Variants in PCARE observed in about 807,000 individuals in gnomAD.
The protein encoded by PCARE is photoreceptor cilium actin regulator.
A neutral mutation model predicts 82.2 loss-of-function variants in PCARE; 72 were observed. The ratio of observed to expected loss-of-function variants is 0.88; its 90% CI spans 0.72 to 1.07. PCARE has a LOEUF of 1.07. PCARE is among the 50% of genes least tolerant of loss of function. The pLI, the probability that PCARE is intolerant of heterozygous loss-of-function variation, is 0.00. For missense variants in PCARE, 1,768 were observed against 1,592.4 expected (o/e 1.11, Z -1.88); for synonymous variants, 705 against 634.8 (o/e 1.11, Z -1.66).
At position 29,073,365 on chromosome 2, in the gene PCARE, G is replaced by A. The variant is rs773703800; in HGVS notation, c.897C>T (p.Tyr299=). Residue 299 remains tyrosine, a synonymous_variant, in exon 1 of 2, where the codon TAC becomes TAT. Transcript: ENST00000331664. The part of the protein sequence containing the change: ...TGSFLEGSSS[Y]LHSTATHLEN... ...CCAAGTGGGTTGCAGTGGAGTGGAG[G>A]TAGCTGCTGGAGCCCTCCAGGAAGC... 5 of 1,613,752 alleles carry A rather than the reference G, an allele frequency of 3.1e-6. No individual in the cohort carries two copies. Among genetic ancestry groups the A allele is most frequent in the South Asian group, 2.2e-5 (2 of 91,082 alleles).
chr2:29,072,122 C>A lies in PCARE; in HGVS notation c.2140G>T (p.Ala714Ser), dbSNP rs762285365. The change falls in exon 1 of 2, where the codon GCT becomes TCT. Residue 714 changes from alanine to serine, a missense_variant. By Grantham distance (99) the Ala-to-Ser change is moderately conservative. Coordinates refer to ENST00000331664, the MANE Select transcript of PCARE (RefSeq NM_001029883.3). ...NAIPSGEVSE[A>S]AKATDWNVRG... ...ACATTCCAGTCTGTGGCCTTGGCAG[C>A]CTCACTGACCTCTCCTGATGGGATG... The A allele has an allele frequency of 2.5e-6, 4 of 1,614,144 alleles. No individual in the cohort carries two copies. The highest frequency in any genetic ancestry group is 3.4e-6 in the Non-Finnish European group (4 of 1,180,056).
rs750148855 is a variant in PCARE at position 29,071,686 on chromosome 2, G to A, written c.2576C>T (p.Pro859Leu). The change falls in exon 1 of 2, where the codon CCC becomes CTC. Residue 859 changes from proline to leucine, a missense_variant. Physicochemically the swap from Pro to Leu is moderately conservative, Grantham distance 98. Transcript: ENST00000331664. ...PESSKSTENS[P>L]KETQEPGPGE... Reference sequence around the variant, plus strand: ...CGGCCCTGGCTCCTGGGTTTCCTTGGGGGAGTTCTCTGTGGACTTGCTGCT... The same window carrying A: ...CGGCCCTGGCTCCTGGGTTTCCTTGAGGGAGTTCTCTGTGGACTTGCTGCT... The A allele has an allele frequency of 1.2e-6, 2 of 1,614,096 alleles. No homozygotes were observed. Among genetic ancestry groups the A allele is most frequent in the East Asian group, 2.2e-5 (1 of 44,880 alleles).
Position 29,072,446 on chromosome 2 carries a change from C to T in PCARE, c.1816G>A (p.Asp606Asn), listed in dbSNP as rs938748085. The T allele has an allele frequency of 4.3e-6, 7 of 1,614,066 alleles. No homozygotes were observed. The Admixed American group carries it at 6.7e-5, about 15-fold the overall frequency. Residue 606 changes from aspartate (D) to asparagine (N), a missense_variant, in exon 1 of 2, where the codon GAC becomes AAC. By Grantham distance (23) the Asp-to-Asn change is conservative. Transcript: ENST00000331664. ...CTTCGCAGCTCCTGAAAGGTGGGGT[C>T]CTCCACGTGACTCTGGAGACACGAC... ...SESCLQSHVE[D>N]PTFQELRRVQ...
At position 29,073,238 on chromosome 2, in the gene PCARE, C is replaced by T. The variant is rs748520550; in HGVS notation, c.1024G>A (p.Gly342Ser). Residue 342 changes from glycine to serine, a missense_variant, in exon 1 of 2, where the codon GGT (glycine) becomes AGT (serine). Transcript: ENST00000331664. ...CTGTCCTCAGAGCATAAGGGGAGAC[C>T]CTGCACCCCAGGGTCGCCACAGCCA... ...ASGCGDPGVQ[G>S]LPLCSEDSGI... 3.5e-5 allele frequency: 56 copies of T among 1,613,862 alleles called. No individual in the cohort carries two copies. Among genetic ancestry groups the T allele is most frequent in the Admixed American group, 3.2e-4 (19 of 59,996 alleles).
In PCARE at chr2:29,074,213, T is replaced by C; in HGVS notation, c.49A>G (p.Ser17Gly). Residue 17 changes from serine (S) to glycine (G), a missense_variant, in exon 1 of 2, where the codon AGT becomes GGT. Coordinates refer to ENST00000331664, the MANE Select transcript of PCARE (RefSeq NM_001029883.3). ...GGCTTTTTCAAGAACTGAATGCCACTCTTTGCAACGCTGTTTACAAGGTCA... is the reference window on the plus strand; with the variant it reads ...GGCTTTTTCAAGAACTGAATGCCACCCTTTGCAACGCTGTTTACAAGGTCA... ...HSDLVNSVAK[S>G]GIQFLKKPKA... 1 of 1,591,338 alleles carries C rather than the reference T, an allele frequency of 6.3e-7. No homozygotes were observed. Among genetic ancestry groups the C allele is most frequent in the Non-Finnish European group, 8.6e-7 (1 of 1,168,452 alleles).
intron 1 of PCARE, among the ~76,000 whole-genome samples, chr2:29,065,790 T>TA (rs1667381441): frequency 6.6e-6 from 1 of 152,246 alleles, no homozygotes; most frequent in Non-Finnish European, 1.5e-5. Flanking sequence ...CTGCCTGGTT[T>TA]CAAGTCCTGA....
chr2:29,069,160 G>A (rs149725076), intron 1 of PCARE, among the ~76,000 whole-genome samples: 2,142 of 152,200 alleles, frequency 0.014, 40 homozygotes, highest in African/African-American at 0.041. Flanking sequence ...AAAAAGGTTT[G>A]AAAAAATGTA....
rs779162226 is a variant in PCARE at position 29,071,965 on chromosome 2, G to T, written c.2297C>A (p.Pro766His). 1 of 1,614,012 alleles carries T rather than the reference G, an allele frequency of 6.2e-7. No individual in the cohort carries two copies. Among genetic ancestry groups the T allele is most frequent in the South Asian group, 1.1e-5 (1 of 91,076 alleles). Reference sequence around the variant, plus strand: ...AAGCCCTGTGTACTTGGGAAATCTGGGGGGCATGATGCAATTCCTGAGGCA... The same window carrying T: ...AAGCCCTGTGTACTTGGGAAATCTGTGGGGCATGATGCAATTCCTGAGGCA... ...SPCLRNCIMPPRFPKYTGLAP... is the reference protein window; with the variant it reads ...SPCLRNCIMPHRFPKYTGLAP... Residue 766 changes from proline to histidine, a missense_variant, in exon 1 of 2, where the codon CCC becomes CAC. Pro to His is a moderately conservative substitution (Grantham distance 77). Coordinates refer to ENST00000331664, the MANE Select transcript of PCARE (RefSeq NM_001029883.3).
rs1667365399 is a variant in PCARE at position 29,064,704 on chromosome 2, T to A, written c.*165A>T. On this transcript the variant is annotated 3_prime_UTR_variant, in exon 2 of 2. Transcript: ENST00000331664. ...AAGATCTGGGACTGAAAACGGCGATTGTTTAAAATTCAGCAGACCCACTGG... is the reference window on the plus strand; with the variant it reads ...AAGATCTGGGACTGAAAACGGCGATAGTTTAAAATTCAGCAGACCCACTGG... 5.9e-6 allele frequency: 5 copies of A among 845,548 alleles called. No homozygotes were observed. The Admixed American group carries it at 1.1e-4, about 19-fold the overall frequency. The allele number at this position is 845,548 out of a possible 1,614,324, so 52.4% of individuals were successfully genotyped here.
rs1423517787 is a variant in PCARE, at chr2:29,072,761, T to C, written c.1501A>G (p.Ser501Gly). 1.2e-6 allele frequency: 2 copies of C among 1,614,094 alleles called. No individual in the cohort carries two copies. The highest frequency in any genetic ancestry group is 4.5e-5 in the East Asian group (2 of 44,866). The change falls in exon 1 of 2, where the codon AGT (serine) becomes GGT (glycine). Residue 501 changes from serine (S) to glycine (G), a missense_variant. Ser to Gly is a moderately conservative substitution (Grantham distance 56). Coordinates refer to ENST00000331664, the MANE Select transcript of PCARE (RefSeq NM_001029883.3). ...EEEEDKMSSM[S>G]LCAWQEKTPH... The stretch of plus-strand genomic sequence containing the variant: ...GTTTTTTCCTGCCAGGCACACAGAC[T>C]CATGCTGCTCATTTTGTCTTCCTCC...
intron 1 of PCARE, among the ~76,000 whole-genome samples, chr2:29,066,305 G>T (rs900781189): frequency 2.0e-5 from 3 of 152,142 alleles, no homozygotes; most frequent in Non-Finnish European, 4.4e-5. Context: ...CTATGGAGCT[G>T]CATTGTTGAA....
At position 29,073,083 on chromosome 2, in the gene PCARE, T is replaced by A; in HGVS notation, c.1179A>T (p.Ser393=). 6.2e-7 allele frequency: 1 copy of A among 1,614,164 alleles called. No homozygotes were observed. The highest frequency in any genetic ancestry group is 2.2e-5 in the East Asian group (1 of 44,862). The change falls in exon 1 of 2, where the codon TCA becomes TCT. Residue 393 remains serine, a synonymous_variant. Coordinates refer to ENST00000331664, the MANE Select transcript of PCARE (RefSeq NM_001029883.3). ...VTSPHTEARQ[S]GHTWQQSPFC... ...ATGGACTTTGCTGCCAGGTGTGTCC[T>A]GACTGCCTGGCCTCTGTGTGGGGTG...
Position 29,072,115 on chromosome 2 carries a change from T to G in PCARE, c.2147A>C (p.Lys716Thr). ...IPSGEVSEAAKATDWNVRGCP... is the reference protein window; with the variant it reads ...IPSGEVSEAATATDWNVRGCP... ...GCCTCTGACATTCCAGTCTGTGGCCTTGGCAGCCTCACTGACCTCTCCTGA... is the reference window on the plus strand; with the variant it reads ...GCCTCTGACATTCCAGTCTGTGGCCGTGGCAGCCTCACTGACCTCTCCTGA... Residue 716 changes from lysine (K) to threonine (T), a missense_variant, in exon 1 of 2, where the codon AAG (lysine) becomes ACG (threonine). Coordinates refer to ENST00000331664, the MANE Select transcript of PCARE (RefSeq NM_001029883.3). The G allele has an allele frequency of 1.2e-6, 2 of 1,614,252 alleles. No individual in the cohort carries two copies. The highest frequency in any genetic ancestry group is 2.2e-5 in the South Asian group (2 of 91,080).
rs201965800 is a variant in PCARE, at chr2:29,073,725, A to C, written c.537T>G (p.Pro179=). 13 of 1,614,026 alleles carry C rather than the reference A, an allele frequency of 8.1e-6. No individual in the cohort carries two copies. Among genetic ancestry groups the C allele is most frequent in the Non-Finnish European group, 8.5e-6 (10 of 1,180,024 alleles). Residue 179 remains proline (P), a synonymous_variant, in exon 1 of 2, where the codon CCT becomes CCG. Coordinates refer to ENST00000331664, the MANE Select transcript of PCARE (RefSeq NM_001029883.3). ...EPEGKVDFPE[P]LVKAHQQAYT... is the part of the protein sequence containing the mutation. ...AAGCCTGCTGGTGGGCCTTTACCAG[A>C]GGCTCCGGGAAGTCCACTTTGCCTT...
In PCARE at chr2:29,064,979, G is replaced by A; in HGVS notation, c.3757C>T (p.Pro1253Ser). Residue 1253 changes from proline to serine, a missense_variant, in exon 2 of 2, where the codon CCC (proline) becomes TCC (serine). By Grantham distance (74) the Pro-to-Ser change is moderately conservative (BLOSUM62 -1). Transcript: ENST00000331664. ...ELQGGTRRAS[P>S]PEFCVLGHGL... ...TGGCCCAGCACACAGAACTCTGGGG[G>A]AGATGCACGCCTGGTGCCGCCCTGC... is the stretch of plus-strand genomic sequence containing the variant. 1 of 1,591,376 alleles carries A rather than the reference G, an allele frequency of 6.3e-7. No homozygotes were observed. The highest frequency in any genetic ancestry group is 1.3e-5 in the African/African-American group (1 of 74,446).
rs1331629037 is a variant in PCARE, at chr2:29,062,602, G to C, written c.*2267C>G. ...CATGATACTGACCCCTTCTGTGGTGGAATAATCTGCCTGGCTCCCTGCTGC... is the reference window on the plus strand; with the variant it reads ...CATGATACTGACCCCTTCTGTGGTGCAATAATCTGCCTGGCTCCCTGCTGC... On this transcript the variant is annotated 3_prime_UTR_variant, in exon 2 of 2. Transcript: ENST00000331664. The C allele has an allele frequency of 6.6e-6, 1 of 152,220 alleles. No individual in the cohort carries two copies. The highest frequency in any genetic ancestry group is 1.5e-5 in the Non-Finnish European group (1 of 68,072). 9.4% of individuals were successfully genotyped at this position (152,220 alleles called of 1,614,324 possible).
In PCARE at chr2:29,072,223, T is replaced by A. The variant is rs755111657; in HGVS notation, c.2039A>T (p.Gln680Leu). The A allele has an allele frequency of 1.9e-6, 3 of 1,614,252 alleles. 1 individual carries two copies. In the South Asian group the frequency reaches 3.3e-5, roughly 18 times the overall value. The change falls in exon 1 of 2, where the codon CAG (glutamine) becomes CTG (leucine). Residue 680 changes from glutamine to leucine, a missense_variant. Coordinates refer to ENST00000331664, the MANE Select transcript of PCARE (RefSeq NM_001029883.3). ...GCATTTCTGCAAGATGCTCTTGTCC[T>A]GACTAGGCAAAATACTGAAGTTCTT... The part of the protein sequence containing the change: ...LTKNFSILPS[Q>L]DKSILQKCNP...
intron 1 of PCARE, among the ~76,000 whole-genome samples, chr2:29,067,421 C>T (rs1039353403): frequency 2.0e-5 from 3 of 152,184 alleles, no homozygotes; most frequent in African/African-American, 4.8e-5. Flanking sequence ...ATCACATGCT[C>T]ACAGTGTGGG....
chr2:29,072,840 C>T lies in PCARE; in HGVS notation c.1422G>A (p.Arg474=), dbSNP rs1667516647. ...CACTAAGAGATGAAGCGTCCATCGG[C>T]CTGGAGGTTTTGGAAAGGTGTGGTT... The part of the protein sequence containing the change: ...SVEPHLSKTS[R]PMDASSLSDS... The change falls in exon 1 of 2, where the codon AGG becomes AGA. Residue 474 remains arginine (R), a synonymous_variant. Coordinates refer to ENST00000331664, the MANE Select transcript of PCARE (RefSeq NM_001029883.3). The T allele has an allele frequency of 1.2e-6, 2 of 1,614,130 alleles. No homozygotes were observed. Among genetic ancestry groups the T allele is most frequent in the Non-Finnish European group, 1.7e-6 (2 of 1,180,024 alleles).
Sources: gnomAD v4.1 joint callset for allele counts (sites outside exome capture counted in the v4.1 genomes callset) on GRCh38, gnomAD v4.1.1 for gene constraint, MANE v1.5 for transcripts, NCBI Gene and HGNC (gene_info 2026-07-23, HGNC 2026-07-21) for gene names.